USP32: variants seen among roughly 807,000 people sequenced by gnomAD.
The protein encoded by USP32 is ubiquitin carboxyl-terminal hydrolase 32.
USP32 carries 59 observed loss-of-function variants against 204.8 expected under a neutral mutation model. That is an observed-to-expected ratio of 0.29 (90% CI 0.23 to 0.36). The LOEUF is 0.36. Ranked by LOEUF, USP32 falls within the 10% of genes least tolerant of loss-of-function variation. The pLI is 1.00. For synonymous variants in USP32, 517 were observed against 678.4 expected (o/e 0.76, Z 3.70); for missense variants, 1,160 against 1,946.4 (o/e 0.60, Z 7.60).
intron 2 of USP32, among the ~76,000 whole-genome samples, chr17:60,338,324 C>CAA (rs535885155): frequency 1.6e-4 from 15 of 94,640 alleles, no homozygotes; most frequent in East Asian, 3.3e-4. Flanking sequence ...GACTCTATCT[C>CAA]AAAAAAAAAA....
chr17:60,186,973 C>CA (rs568516729), intron 29 of USP32, among the ~76,000 whole-genome samples: 60 of 152,214 alleles, frequency 3.9e-4, no homozygotes, highest in African/African-American at 1.4e-3. Context: ...TGTCCCAAAG[C>CA]AGAGCCCAGA....
intron 2 of USP32, among the ~76,000 whole-genome samples, chr17:60,341,759 T>C (rs1466343889): frequency 6.6e-6 from 1 of 152,180 alleles, no homozygotes; most frequent in African/African-American, 2.4e-5. Flanking sequence ...CATCAGGTCA[T>C]TTAGGGTCTT....
At chr17:60,255,297 T>TA in intron 9 of USP32, 39 bp from the exon 10 acceptor site, 22 of 1,472,662 alleles carry the variant, frequency 1.5e-5, no homozygotes, top group Non-Finnish European at 1.8e-5. Context: ...ATCTTTTTTT[T>TA]CTTTTTTTTT....
chr17:60,202,325 T>A (rs1380227669), intron 26 of USP32, among the ~76,000 whole-genome samples: 8 of 152,204 alleles, frequency 5.3e-5, no homozygotes, highest in African/African-American at 1.9e-4. Flanking sequence ...GTGAAATAAA[T>A]CTTGATATCT....
chr17:60,192,665 T>C (rs2084416726), intron 28 of USP32, among the ~76,000 whole-genome samples, 179 bp downstream of exon 28: 1 of 152,152 alleles, frequency 6.6e-6, no homozygotes, highest in African/African-American at 2.4e-5. Context: ...TCTCAGGTGA[T>C]CCACCCACCT....
rs762057757 is a variant in USP32, at chr17:60,183,220, C to A, written c.4068G>T (p.Val1356=). 6.2e-7 allele frequency: 1 copy of A among 1,613,860 alleles called. No individual in the cohort carries two copies. The highest frequency in any genetic ancestry group is 8.5e-7 in the Non-Finnish European group (1 of 1,179,882). The stretch of plus-strand genomic sequence containing the variant: ...GTGAGGATGGGCTTTTGCTCAGGAG[C>A]ACGTCCTCTTCCCCAGCCGAACTCT... ...DAQSSAGEED[V]LLSKSPSSLS... is the part of the protein sequence containing the mutation. The change falls in exon 31 of 34, where the codon GTG becomes GTT. Residue 1356 remains valine (V), a synonymous_variant. Coordinates refer to ENST00000300896, the MANE Select transcript of USP32 (RefSeq NM_032582.4).
At chr17:60,354,047 T>C (rs749310355) in intron 1 of USP32, among the ~76,000 whole-genome samples, 3 of 152,214 alleles carry the variant, frequency 2.0e-5, no homozygotes, top group Non-Finnish European at 4.4e-5. Flanking sequence ...ATCACATGCA[T>C]GTGTGAAATG....
At chr17:60,348,111 G>T (rs1429220170) in intron 1 of USP32, among the ~76,000 whole-genome samples, 1 of 149,414 alleles carries the variant, frequency 6.7e-6, no homozygotes, top group Non-Finnish European at 1.5e-5. Context: ...AACAGAGCGA[G>T]ACCCCGTCTC....
intron 27 of USP32, among the ~76,000 whole-genome samples, chr17:60,195,225 C>T (rs1183280231): frequency 2.0e-5 from 3 of 152,230 alleles, no homozygotes; most frequent in Admixed American, 6.5e-5. Context: ...TCAAATCCAG[C>T]GGGCAATTCC....
chr17:60,181,223 G>A (rs2084102924), intron 32 of USP32, 101 bp downstream of exon 32: 2 of 1,443,052 alleles, frequency 1.4e-6, no homozygotes, highest in East Asian at 4.6e-5. Flanking sequence ...TCAATGCTAG[G>A]AAATAAGCAG....
rs1286947813 is a variant in USP32 at position 60,310,303 on chromosome 17, A to G, written c.187-8599T>C. Among the ~76,000 whole-genome samples the G allele has an allele frequency of 2.0e-5, 3 of 152,336 alleles. 1 individual carries two copies. Among genetic ancestry groups the G allele is most frequent in the South Asian group, 4.1e-4 (2 of 4,830 alleles). On this transcript the variant is annotated intron_variant, in intron 2 of 33. Coordinates refer to ENST00000300896, the MANE Select transcript of USP32 (RefSeq NM_032582.4). Reference sequence around the variant, plus strand: ...AGATACCTGTACTAATGTTTATTGCAGCACCATTCATAATAGTCGAAGTTT... The same window carrying G: ...AGATACCTGTACTAATGTTTATTGCGGCACCATTCATAATAGTCGAAGTTT...
intron 9 of USP32, among the ~76,000 whole-genome samples, chr17:60,255,734 T>C (rs866431072): frequency 3.9e-5 from 6 of 152,358 alleles, no homozygotes; most frequent in African/African-American, 1.4e-4. Flanking sequence ...TTTGTGGTAA[T>C]GCAAACATAT....
rs1294725989 is a variant in USP32, at chr17:60,335,132, C to T, written c.186+10349G>A. Among the ~76,000 whole-genome samples, 8 of 141,782 alleles carry T rather than the reference C, an allele frequency of 5.6e-5. 2 individuals are homozygous for T. The highest frequency in any genetic ancestry group is 1.2e-4 in the Non-Finnish European group (8 of 67,624). 93.0% of individuals were successfully genotyped at this position (141,782 alleles called of 152,430 possible). A position where few individuals can be genotyped will look rare whatever the true frequency, so the allele number is the denominator to read the frequency against. On this transcript the variant is annotated intron_variant, in intron 2 of 33. Coordinates refer to ENST00000300896, the MANE Select transcript of USP32 (RefSeq NM_032582.4). ...CTGAGACTACAGGCGTGCAAGACAC[C>T]CAGCTAATTTTTTTTATTTTTTGTA... is the stretch of plus-strand genomic sequence containing the variant.
intron 16 of USP32, among the ~76,000 whole-genome samples, chr17:60,216,997 T>C (rs1160282066): frequency 6.6e-6 from 1 of 152,074 alleles, no homozygotes; most frequent in Non-Finnish European, 1.5e-5. Flanking sequence ...AATTTCAAAT[T>C]AAAACCAAAT....
chr17:60,369,273 C>T lies in USP32; in HGVS notation c.58+22609G>A, dbSNP rs537375104. 1.8e-3 allele frequency among the ~76,000 whole-genome samples: 277 copies of T among 150,482 alleles called. 29 individuals carry two copies. Among genetic ancestry groups the T allele is most frequent in the Middle Eastern group, 6.8e-3 (2 of 292 alleles). ...CCTCCCAAAGTGCTGGGATTACAGG[C>T]GTGAGCCACCGCGCCCGGCCAAAAG... On this transcript the variant is annotated intron_variant, in intron 1 of 33. Coordinates refer to ENST00000300896, the MANE Select transcript of USP32 (RefSeq NM_032582.4).
At chr17:60,219,216 A>G (rs1447148378) in intron 16 of USP32, among the ~76,000 whole-genome samples, 1 of 152,208 alleles carries the variant, frequency 6.6e-6, no homozygotes, top group African/African-American at 2.4e-5. Context: ...CTTAAAAAAC[A>G]AAAAAGATGA....
At position 60,192,478 on chromosome 17, in the gene USP32, C is replaced by T. The variant is rs182060907; in HGVS notation, c.3521+366G>A. On this transcript the variant is annotated intron_variant, in intron 28 of 33. Coordinates refer to ENST00000300896, the MANE Select transcript of USP32 (RefSeq NM_032582.4). Reference sequence around the variant, plus strand: ...GAGACGGAGTTTCGCTCTTGTTGCCCGGCTGGAGTGCAGTGGCATGACCTT... The same window carrying T: ...GAGACGGAGTTTCGCTCTTGTTGCCTGGCTGGAGTGCAGTGGCATGACCTT... 2.1e-3 allele frequency among the ~76,000 whole-genome samples: 324 copies of T among 152,000 alleles called. 1 individual carries two copies. Among genetic ancestry groups the T allele is most frequent in the African/African-American group, 7.0e-3 (292 of 41,472 alleles).
intron 2 of USP32, among the ~76,000 whole-genome samples, chr17:60,319,297 G>A (rs1704237565): frequency 6.6e-6 from 1 of 152,108 alleles, no homozygotes; most frequent in Admixed American, 6.5e-5. Context: ...GTAAAATACA[G>A]GGACTCAGAT....
chr17:60,207,221 T>C, intron 24 of USP32, 89 bp from the exon 25 acceptor site: 1 of 1,496,300 alleles, frequency 6.7e-7, no homozygotes, highest in East Asian at 2.5e-5. Context: ...AAGAATGTCT[T>C]AGGCGCTTTC....
Sources: allele counts gnomAD v4.1 joint callset (sites outside exome capture counted in the v4.1 genomes callset), GRCh38; gene constraint gnomAD v4.1.1; transcripts MANE v1.5; gene names NCBI Gene and HGNC (gene_info 2026-07-23, HGNC 2026-07-21).